Variants in FNDC3B observed in about 807,000 individuals in gnomAD.
FNDC3B encodes the protein fibronectin type III domain containing 3B.
A neutral mutation model predicts 151.5 loss-of-function variants in FNDC3B; 12 were observed. The observed-to-expected ratio is 0.08, with a 90% confidence interval of 0.05 to 0.13. The LOEUF (loss-of-function observed/expected upper bound fraction) is 0.13. Among genes scored for constraint, FNDC3B ranks in the 10% least tolerant of loss-of-function variants. The pLI is 1.00. For missense variants in FNDC3B, 1,214 were observed against 1,505.3 expected (o/e 0.81, Z 3.20); for synonymous variants, 528 against 549.0 (o/e 0.96, Z 0.54).
chr3:172,075,168 A>C (rs1717947495), intron 1 of FNDC3B, among the ~76,000 whole-genome samples: 1 of 152,148 alleles, frequency 6.6e-6, no homozygotes, highest in South Asian at 2.1e-4. Flanking sequence ...GATAATTTAT[A>C]AAACTGACTG....
chr3:172,218,134 GAAAAAA>G (rs57576493), intron 3 of FNDC3B, among the ~76,000 whole-genome samples: 1 of 62,738 alleles, frequency 1.6e-5, no homozygotes, highest in Non-Finnish European at 3.1e-5. Flanking sequence ...CGACTTTCAG[GAAAAAA>G]AAAAAAAAAA....
At chr3:172,291,470 TATA>T (rs1017358122) in intron 7 of FNDC3B, among the ~76,000 whole-genome samples, 6 of 152,194 alleles carry the variant, frequency 3.9e-5, no homozygotes, top group African/African-American at 1.4e-4. Context: ...AGGAATGATT[TATA>T]ATTAGTATGT....
At chr3:172,105,214 A>G (rs1346096004) in intron 1 of FNDC3B, among the ~76,000 whole-genome samples, 1 of 151,984 alleles carries the variant, frequency 6.6e-6, no homozygotes, top group Admixed American at 6.6e-5. Context: ...GTATGGGGGG[A>G]GGTTCATGAA....
chr3:172,071,968 T>C (rs754560564), intron 1 of FNDC3B, among the ~76,000 whole-genome samples: 8 of 151,838 alleles, frequency 5.3e-5, no homozygotes, highest in Non-Finnish European at 8.8e-5. Flanking sequence ...GTCAGAATTG[T>C]AACAGTTGAG....
chr3:172,123,663 A>G (rs1720666049), intron 2 of FNDC3B, among the ~76,000 whole-genome samples: 1 of 152,174 alleles, frequency 6.6e-6, no homozygotes, highest in South Asian at 2.1e-4. Flanking sequence ...TTTGTTTTAT[A>G]TTGCCAGAAT....
chr3:172,257,471 T>C (rs1195109906), intron 6 of FNDC3B, among the ~76,000 whole-genome samples: 1 of 152,144 alleles, frequency 6.6e-6, no homozygotes, highest in Non-Finnish European at 1.5e-5. Context: ...TTCAAAATCT[T>C]ATCAATGAGC....
intron 11 of FNDC3B, among the ~76,000 whole-genome samples, chr3:172,322,684 C>T (rs147042052): frequency 1.6e-4 from 25 of 152,280 alleles, no homozygotes; most frequent in African/African-American, 5.1e-4. Context: ...AAAAGTACAA[C>T]GTAACTCTTT....
At chr3:172,129,183 G>C (rs1720949280) in intron 2 of FNDC3B, among the ~76,000 whole-genome samples, 1 of 152,128 alleles carries the variant, frequency 6.6e-6, no homozygotes, top group Non-Finnish European at 1.5e-5. Context: ...TGTTGCTGGG[G>C]TTGGTCTGGA....
intron 3 of FNDC3B, among the ~76,000 whole-genome samples, chr3:172,189,831 A>T (rs1724413262): frequency 7.5e-6 from 1 of 133,188 alleles, no homozygotes; most frequent in Non-Finnish European, 1.6e-5. Context: ...AAAAAAAAAA[A>T]ATCATGTCAT....
At chr3:172,181,470 G>A (rs73167239) in intron 3 of FNDC3B, among the ~76,000 whole-genome samples, 21,326 of 147,220 alleles carry the variant, frequency 0.14, 1,627 homozygotes, top group Admixed American at 0.2. Flanking sequence ...ATGTTGGCCC[G>A]TCTTCTTCAA....
chr3:172,200,362 C>G (rs891680174), intron 3 of FNDC3B, among the ~76,000 whole-genome samples: 2 of 152,128 alleles, frequency 1.3e-5, no homozygotes, highest in African/African-American at 4.8e-5. Context: ...TTGAATGAAA[C>G]GTTATTCAAA....
rs1208863623 is a variant in FNDC3B at position 172,399,379 on chromosome 3, A to G, written c.*1904A>G. 6.6e-6 allele frequency: 1 copy of G among 152,486 alleles called. No individual in the cohort carries two copies. Among genetic ancestry groups the G allele is most frequent in the Non-Finnish European group, 1.5e-5 (1 of 68,018 alleles). 9.4% of individuals were successfully genotyped at this position (152,486 alleles called of 1,614,324 possible). A position where few individuals can be genotyped will look rare whatever the true frequency, so the allele number is the denominator to read the frequency against. On this transcript the variant is annotated 3_prime_UTR_variant, in exon 26 of 26. Coordinates refer to ENST00000415807, the MANE Select transcript of FNDC3B (RefSeq NM_022763.4). ...TGTTTTTAAAAAGATAAGAGCATCT[A>G]GTGCATTAAATGCCAAAAAAAAAAT...
chr3:172,287,062 C>T (rs574816018), intron 7 of FNDC3B, among the ~76,000 whole-genome samples: 67 of 152,274 alleles, frequency 4.4e-4, no homozygotes, highest in Non-Finnish European at 7.5e-4. Flanking sequence ...ACTGGGCTTT[C>T]GGGTTTGGAT....
intron 1 of FNDC3B, among the ~76,000 whole-genome samples, chr3:172,085,339 G>A (rs1260523950): frequency 6.6e-6 from 1 of 152,028 alleles, no homozygotes; most frequent in Non-Finnish European, 1.5e-5. Flanking sequence ...TTTTTCTTTA[G>A]AAACTGAAAG....
intron 7 of FNDC3B, 52 bp downstream of exon 7, chr3:172,286,036 A>G (rs751583779): frequency 1.4e-6 from 2 of 1,420,960 alleles, no homozygotes; most frequent in South Asian, 1.2e-5. Flanking sequence ...AGTATTTCAA[A>G]TGTGCTTTTT....
At chr3:172,223,504 C>T (rs1024543369) in intron 3 of FNDC3B, among the ~76,000 whole-genome samples, 4 of 152,154 alleles carry the variant, frequency 2.6e-5, no homozygotes, top group Non-Finnish European at 5.9e-5. Flanking sequence ...ACATGCTTGT[C>T]CTACATTCTT....
chr3:172,114,847 A>G (rs1720166987), intron 2 of FNDC3B, among the ~76,000 whole-genome samples: 2 of 152,354 alleles, frequency 1.3e-5, no homozygotes, highest in East Asian at 3.9e-4. Flanking sequence ...AAAATACTCA[A>G]GCTTTATGAA....
At chr3:172,067,285 GTCTT>G (rs1200355828) in intron 1 of FNDC3B, among the ~76,000 whole-genome samples, 4 of 152,164 alleles carry the variant, frequency 2.6e-5, no homozygotes, top group African/African-American at 9.7e-5. Context: ...TTGGGGTTGT[GTCTT>G]AAACAGCGAG....
intron 3 of FNDC3B, among the ~76,000 whole-genome samples, chr3:172,169,398 A>G (rs976902790): frequency 6.6e-6 from 1 of 152,336 alleles, no homozygotes; most frequent in African/African-American, 2.4e-5. Context: ...GGCATCGGAC[A>G]GTGTAGTCAG....
Sources: gnomAD v4.1 joint callset for allele counts (sites outside exome capture counted in the v4.1 genomes callset) on GRCh38, gnomAD v4.1.1 for gene constraint, MANE v1.5 for transcripts, NCBI Gene and HGNC (gene_info 2026-07-23, HGNC 2026-07-21) for gene names.